The following NDEL1 variants were observed in gnomAD, a reference collection of about 807,000 sequenced individuals.
The protein encoded by NDEL1 is nudE neurodevelopment protein 1 like 1.
Under a neutral mutation model 45.7 loss-of-function variants are expected in NDEL1, and 9 were observed. The observed-to-expected ratio is 0.20, with a 90% CI of 0.12 to 0.34. The LOEUF (loss-of-function observed/expected upper bound fraction) is 0.34, where lower values mean the gene tolerates loss of function less well. NDEL1 is among the 10% of genes least tolerant of loss of function. The pLI is 1.00. For synonymous variants in NDEL1, 133 were observed against 158.6 expected (o/e 0.84, Z 1.21); for missense variants, 306 against 406.2 (o/e 0.75, Z 2.12).
intron 8 of NDEL1, chr17:8,463,501 C>T: frequency 1.5e-6 from 1 of 670,544 alleles, no homozygotes; most frequent in Non-Finnish European, 2.6e-6. Flanking sequence ...CTTTCACGGT[C>T]CTGTTCGACT....
At chr17:8,438,417 A>G (rs1909498780) in intron 1 of NDEL1, among the ~76,000 whole-genome samples, 1 of 152,252 alleles carries the variant, frequency 6.6e-6, no homozygotes, top group Non-Finnish European at 1.5e-5. Context: ...CTCCCAGTGT[A>G]ACTTGAAGCA....
intron 7 of NDEL1, among the ~76,000 whole-genome samples, chr17:8,456,273 C>T (rs1910835435): frequency 6.6e-6 from 1 of 152,146 alleles, no homozygotes; most frequent in Admixed American, 6.6e-5. Flanking sequence ...GTCGTTCCTA[C>T]AGTACATAGA....
intron 1 of NDEL1, among the ~76,000 whole-genome samples, chr17:8,439,274 C>G (rs1171842905): frequency 6.7e-6 from 1 of 149,774 alleles, no homozygotes; most frequent in Non-Finnish European, 1.5e-5. Context: ...TGGAATCTCA[C>G]CCTTTTGCCC....
chr17:8,460,482 A>G (rs181751486), intron 8 of NDEL1, among the ~76,000 whole-genome samples: 1 of 152,222 alleles, frequency 6.6e-6, no homozygotes, highest in Non-Finnish European at 1.5e-5. Flanking sequence ...ACTTGGAAAT[A>G]TTTTTTTGGG....
chr17:8,451,031 A>G (rs1158114505), intron 6 of NDEL1, 78 bp downstream of exon 6: 1 of 1,384,588 alleles, frequency 7.2e-7, no homozygotes, highest in Non-Finnish European at 9.6e-7. Flanking sequence ...GGCGGTTGCT[A>G]AGGTTTAAAG....
chr17:8,426,865 A>C (rs1908846146), intron 1 of NDEL1, among the ~76,000 whole-genome samples: 1 of 152,226 alleles, frequency 6.6e-6, no homozygotes, highest in South Asian at 2.1e-4. Context: ...CTTTCTTTCC[A>C]GGTACCATCA....
At chr17:8,435,402 AT>A (rs996843282), upstream of NDEL1, among the ~76,000 whole-genome samples, 5 of 152,238 alleles carry the variant, frequency 3.3e-5, no homozygotes, top group Non-Finnish European at 5.9e-5. Flanking sequence ...CTGGAGGAAG[AT>A]GAGAACAAAT....
intron 7 of NDEL1, among the ~76,000 whole-genome samples, chr17:8,459,073 G>T (rs1911034822): frequency 6.6e-6 from 1 of 152,138 alleles, no homozygotes; most frequent in South Asian, 2.1e-4. Flanking sequence ...AATGTGGGGG[G>T]AGGAGGTCCA....
At chr17:8,432,809 A>G (rs529049394), upstream of NDEL1, among the ~76,000 whole-genome samples, 9 of 152,288 alleles carry the variant, frequency 5.9e-5, no homozygotes, top group African/African-American at 1.7e-4. Context: ...GAGAGAAATG[A>G]GCAGGAACTT....
chr17:8,474,143 T>TAGCACC (rs1192748867), intron 3 of NDEL1: 1 of 152,650 alleles, frequency 6.6e-6, no homozygotes, highest in Non-Finnish European at 1.5e-5. Flanking sequence ...AGTTGGTGTG[T>TAGCACC]AGCACCCACC....
intron 4 of NDEL1, among the ~76,000 whole-genome samples, chr17:8,447,550 C>T (rs531428563): frequency 3.3e-4 from 50 of 152,306 alleles, no homozygotes; most frequent in Middle Eastern, 3.4e-3. Context: ...TATCTTATAC[C>T]TGGATTCTGT....
Position 8,467,126 on chromosome 17 carries a change from C to T in NDEL1, c.*103C>T, listed in dbSNP as rs1246785826. ...GCCCAGCCCCGTGCCCCTCCGTCTG[C>T]CTCCGCACGGCTGGCAGAGGGCAGG... On this transcript the variant is annotated 3_prime_UTR_variant, in exon 9 of 9. Transcript: ENST00000334527. This position sits in a 1 kb window ranked among gnomAD's most constrained non-coding sequence, Gnocchi z 6.3. 1.7e-6 allele frequency: 2 copies of T among 1,157,176 alleles called. No homozygotes were observed. Among genetic ancestry groups the T allele is most frequent in the East Asian group, 4.7e-5 (2 of 42,184 alleles). The allele number at this position is 1,157,176 out of a possible 1,614,324, so 71.7% of individuals were successfully genotyped here.
At chr17:8,470,105 G>T (rs930406416), downstream of NDEL1, among the ~76,000 whole-genome samples, 2 of 152,144 alleles carry the variant, frequency 1.3e-5, no homozygotes, top group South Asian at 4.1e-4. The surrounding 1 kb of genome is among the most constrained non-coding windows in gnomAD (Gnocchi z 4.2). Context: ...TTTCTGTTTG[G>T]ACTGTGGGGT....
intron 1 of NDEL1, among the ~76,000 whole-genome samples, chr17:8,418,783 CCTTT>C (rs749526157): frequency 3.4e-5 from 5 of 147,744 alleles, no homozygotes; most frequent in South Asian, 2.2e-4. Flanking sequence ...CTACCTCCCT[CCTTT>C]CTTTCTTTTC....
At position 8,454,784 on chromosome 17, in the gene NDEL1, A is replaced by T. The variant is rs769102079; in HGVS notation, c.701-12A>T. On this transcript the variant is annotated splice_polypyrimidine_tract_variant and intron_variant, in intron 6 of 8. Transcript: ENST00000334527. ...CTGCAAGTGTAATCACTCAGCTTTT[A>T]TTTTTCTCTAGCTATACCAAATGGT... The T allele has an allele frequency of 6.2e-7, 1 of 1,603,426 alleles. No homozygotes were observed. Among genetic ancestry groups the T allele is most frequent in the Non-Finnish European group, 8.5e-7 (1 of 1,174,830 alleles).
intron 6 of NDEL1, among the ~76,000 whole-genome samples, chr17:8,453,953 G>A (rs1027854229): frequency 4.6e-5 from 7 of 152,140 alleles, no homozygotes; most frequent in Non-Finnish European, 1.5e-5. Context: ...TATAGTTATA[G>A]TGCTATTTCA....
At chr17:8,470,275 C>T (rs1300953882), downstream of NDEL1, among the ~76,000 whole-genome samples, 2 of 152,214 alleles carry the variant, frequency 1.3e-5, no homozygotes, top group Middle Eastern at 3.4e-3. This position sits in a 1 kb window ranked among gnomAD's most constrained non-coding sequence, Gnocchi z 4.2. Flanking sequence ...TTGCATGGCT[C>T]TCCATGAAAC....
At chr17:8,442,777 C>CTTTTTTTTTT (rs34963430) in intron 1 of NDEL1, among the ~76,000 whole-genome samples, 10 of 84,112 alleles carry the variant, frequency 1.2e-4, no homozygotes, top group African/African-American at 3.4e-4. Context: ...TATTTATTTA[C>CTTTTTTTTTT]TTTTTTTTTT....
At chr17:8,425,135 CTCT>C (rs1316481342) in intron 1 of NDEL1, among the ~76,000 whole-genome samples, 1 of 152,228 alleles carries the variant, frequency 6.6e-6, no homozygotes, top group African/African-American at 2.4e-5. Context: ...AATATAGACT[CTCT>C]TCTTTGCTAT....
Sources: allele counts gnomAD v4.1 joint callset (sites outside exome capture counted in the v4.1 genomes callset), GRCh38; gene constraint gnomAD v4.1.1; non-coding constraint Gnocchi (gnomAD v3.1); transcripts MANE v1.5; gene names NCBI Gene and HGNC (gene_info 2026-07-23, HGNC 2026-07-21).